The following MTMR14 variants were observed in gnomAD, a reference collection of about 807,000 sequenced individuals.
MTMR14 encodes the protein phosphatidylinositol-3,5-bisphosphate 3-phosphatase MTMR14.
In MTMR14, 48 loss-of-function variants were observed where a neutral mutation model predicts 86.3. The ratio of observed to expected loss-of-function variants is 0.56; its 90% CI spans 0.44 to 0.71. The LOEUF (loss-of-function observed/expected upper bound fraction) is 0.71, where lower values mean the gene tolerates loss of function less well. Ranked by LOEUF, MTMR14 falls within the 30% of genes least tolerant of loss-of-function variation. MTMR14 has a pLI of 0.00. For synonymous variants in MTMR14, 366 were observed against 326.1 expected (o/e 1.12, Z -1.32); for missense variants, 780 against 834.6 (o/e 0.93, Z 0.81).
At chr3:9,660,206 G>C (rs2047843346) in intron 2 of MTMR14, among the ~76,000 whole-genome samples, 1 of 152,046 alleles carries the variant, frequency 6.6e-6, no homozygotes, top group African/African-American at 2.4e-5. Flanking sequence ...GGTTCTCTGT[G>C]AGCTTGTGTG....
intron 1 of MTMR14, among the ~76,000 whole-genome samples, chr3:9,651,378 C>T (rs1220661433): frequency 6.6e-6 from 1 of 152,162 alleles, no homozygotes; most frequent in Non-Finnish European, 1.5e-5. Flanking sequence ...GCTGGGATTA[C>T]AGGCGTGAGC....
intron 2 of MTMR14, among the ~76,000 whole-genome samples, chr3:9,655,335 C>T (rs1252459098): frequency 1.3e-5 from 2 of 151,574 alleles, no homozygotes. Context: ...CCACTGCACT[C>T]CAGCCTGGGC....
At chr3:9,672,561 T>C (rs1574995718) in intron 6 of MTMR14, 124 bp from the exon 7 acceptor site, 7 of 860,684 alleles carry the variant, frequency 8.1e-6, no homozygotes, top group East Asian at 7.5e-5. Context: ...AAGGGAATTA[T>C]TAACAATGAA....
rs151158379 is a variant in MTMR14 at position 9,702,073 on chromosome 3, A to T, written c.*100A>T. On this transcript the variant is annotated 3_prime_UTR_variant, in exon 19 of 19. Transcript: ENST00000296003. ...CGAAGGGGTACTTCCAGGTCAGGGG[A>T]AATTTCAGTCCCCCATCTCCATCAT... 1,120 of 1,467,098 alleles carry T rather than the reference A, an allele frequency of 7.6e-4. 2 individuals are homozygous for T. The highest frequency in any genetic ancestry group is 7.6e-3 in the Middle Eastern group (32 of 4,232). 90.9% of individuals were successfully genotyped at this position (1,467,098 alleles called of 1,614,324 possible). A position where few individuals can be genotyped will look rare whatever the true frequency, so the allele number is the denominator to read the frequency against.
chr3:9,664,739 T>A (rs1440645066), intron 3 of MTMR14, among the ~76,000 whole-genome samples: 1 of 152,116 alleles, frequency 6.6e-6, no homozygotes, highest in Non-Finnish European at 1.5e-5. Context: ...GAGTTATGGT[T>A]ACCAGAGACT....
intron 9 of MTMR14, among the ~76,000 whole-genome samples, chr3:9,678,634 GC>G (rs2075660660): frequency 6.6e-6 from 1 of 152,172 alleles, no homozygotes; most frequent in African/African-American, 2.4e-5. Context: ...CTGTTCCTCT[GC>G]CTGGCTGCCA....
At chr3:9,653,459 C>CT (rs1172496262) in intron 1 of MTMR14, among the ~76,000 whole-genome samples, 162 bp from the exon 2 acceptor site, 4 of 147,686 alleles carry the variant, frequency 2.7e-5, no homozygotes, top group Middle Eastern at 3.4e-3. Context: ...GGTTAATGGA[C>CT]TACACGTAGG....
chr3:9,665,531 T>C (rs2048199837), intron 3 of MTMR14, among the ~76,000 whole-genome samples: 1 of 152,144 alleles, frequency 6.6e-6, no homozygotes, highest in Admixed American at 6.6e-5. Flanking sequence ...GGGTCCTATG[T>C]TCACCATTTG....
chr3:9,685,189 C>G (rs1289568535), intron 12 of MTMR14, 22 bp from the exon 13 acceptor site: 1 of 1,614,172 alleles, frequency 6.2e-7, no homozygotes, highest in Admixed American at 1.7e-5. Context: ...CTGACTTTGC[C>G]TCTCTACCCT....
At position 9,689,046 on chromosome 3, in the gene MTMR14, A is replaced by C; in HGVS notation, c.1397A>C (p.Glu466Ala). 6.2e-7 allele frequency: 1 copy of C among 1,613,430 alleles called. No homozygotes were observed. Among genetic ancestry groups the C allele is most frequent in the Non-Finnish European group, 8.5e-7 (1 of 1,180,030 alleles). The stretch of plus-strand genomic sequence containing the variant: ...GGGAGCTTCACCTATGAGGCCGTGG[A>C]GCTGGTCCCAGCAGGAGCGCCAACT... ...ATGSFTYEAV[E>A]LVPAGAPTQA... The change falls in exon 16 of 19, where the codon GAG becomes GCG. Residue 466 changes from glutamate (E) to alanine (A), a missense_variant. Glu to Ala is a moderately radical substitution (Grantham distance 107). Transcript: ENST00000296003.
At chr3:9,670,949 G>C in intron 5 of MTMR14, 99 bp from the exon 6 acceptor site, 1 of 1,504,524 alleles carries the variant, frequency 6.6e-7, no homozygotes, top group Non-Finnish European at 9.2e-7. Flanking sequence ...CCAGCTTCTG[G>C]AGAAGAGTGA....
At chr3:9,700,038 C>T (rs927967642) in intron 18 of MTMR14, 8 of 152,254 alleles carry the variant, frequency 5.3e-5, no homozygotes, top group African/African-American at 1.2e-4. Flanking sequence ...TTTTCTTTGC[C>T]CCAGAGCCTA....
At chr3:9,668,624 G>C in intron 3 of MTMR14, 95 bp from the exon 4 acceptor site, 1 of 1,337,112 alleles carries the variant, frequency 7.5e-7, no homozygotes, top group Non-Finnish European at 1.1e-6. Context: ...GGCCCGTTAT[G>C]CTGGCCTGGA....
At chr3:9,680,109 C>T (rs2075711071) in intron 9 of MTMR14, among the ~76,000 whole-genome samples, 1 of 152,226 alleles carries the variant, frequency 6.6e-6, no homozygotes, top group South Asian at 2.1e-4. Context: ...ACCTTTCACA[C>T]ATGTCCCTTC....
chr3:9,693,971 C>G (rs928056480), intron 17 of MTMR14, among the ~76,000 whole-genome samples: 2 of 152,216 alleles, frequency 1.3e-5, no homozygotes, highest in Admixed American at 1.3e-4. Flanking sequence ...TGCATGTTAG[C>G]TTTGTTCTCT....
intron 13 of MTMR14, 96 bp downstream of exon 13, chr3:9,685,343 T>A: frequency 1.4e-6 from 2 of 1,475,430 alleles, no homozygotes; most frequent in Non-Finnish European, 1.9e-6. Flanking sequence ...GGCAGCTCCT[T>A]GCCCCAGGTG....
intron 4 of MTMR14, 54 bp from the exon 5 acceptor site, chr3:9,669,378 G>T: frequency 1.3e-6 from 2 of 1,590,866 alleles, no homozygotes; most frequent in East Asian, 2.2e-5. Flanking sequence ...GGAGGCCCCT[G>T]TGTGGAGCCC....
chr3:9,693,267 G>T (rs778614036), intron 17 of MTMR14, among the ~76,000 whole-genome samples: 5 of 152,058 alleles, frequency 3.3e-5, no homozygotes, highest in African/African-American at 4.8e-5. Flanking sequence ...AACATGCAGT[G>T]TAACAACCAT....
intron 2 of MTMR14, chr3:9,659,698 C>T (rs1359622863): frequency 6.6e-6 from 3 of 455,318 alleles, no homozygotes; most frequent in African/African-American, 2.0e-5. Flanking sequence ...CCGCCTGAGC[C>T]TCCCCAAGTG....
Sources: gnomAD v4.1 joint callset for allele counts (sites outside exome capture counted in the v4.1 genomes callset) on GRCh38, gnomAD v4.1.1 for gene constraint, MANE v1.5 for transcripts, NCBI Gene and HGNC (gene_info 2026-07-23, HGNC 2026-07-21) for gene names.